The following H2BC18 variants were observed in gnomAD, a reference collection of about 807,000 sequenced individuals.
The protein encoded by H2BC18 is H2B clustered histone 18, also known as histone H2B type 2-F.
Under a neutral mutation model 6.3 loss-of-function variants are expected in H2BC18, and 8 were observed. The ratio of observed to expected loss-of-function variants is 1.28; its 90% CI spans 0.75 to 2.31. The LOEUF (loss-of-function observed/expected upper bound fraction) is 2.31, where lower values mean the gene tolerates loss of function less well. Ranked by LOEUF, H2BC18 falls within the 30% of genes most tolerant of loss-of-function variation. The probability of loss-of-function intolerance (pLI) is 0.00; values close to 1 mark genes in which losing one functional copy is unlikely to be tolerated. For synonymous variants in H2BC18, 104 were observed against 78.1 expected (o/e 1.33, Z -1.75); for missense variants, 106 against 174.5 (o/e 0.61, Z 2.21).
chr1:149,811,888 T>C lies in H2BC18; in HGVS notation c.*55A>G, dbSNP rs1314257009. On this transcript the variant is annotated 3_prime_UTR_variant, in exon 1 of 1. Transcript: ENST00000369167. ...CTGCTTTCTCGATTACTGAAGTGGC[T>C]CTGAAAAGAGCCTTTGGGGTTAGGT... 6 of 1,486,550 alleles carry C rather than the reference T, an allele frequency of 4.0e-6. No homozygotes were observed. In the African/African-American group the frequency reaches 5.5e-5, roughly 14 times the overall value. 92.1% of individuals were successfully genotyped at this position (1,486,550 alleles called of 1,614,324 possible). A position where few individuals can be genotyped will look rare whatever the true frequency, so the allele number is the denominator to read the frequency against.
At chr1:149,804,091 T>G (rs1211299970) in intron 1 of H2BC18, 1 of 152,218 alleles carries the variant, frequency 6.6e-6, no homozygotes, top group Non-Finnish European at 1.5e-5. Context: ...GCTGTAAGTC[T>G]TGTTTTTCTC....
In H2BC18 at chr1:149,812,029, C is replaced by G. The variant is rs1325046235; in HGVS notation, c.295G>C (p.Val99Leu). The change falls in exon 1 of 1, where the codon GTG (valine) becomes CTG (leucine). Residue 99 changes from valine (V) to leucine (L), a missense_variant. This residue lies in a region of H2BC18 where 35 missense variants were observed against 72.3 expected (regional missense o/e 0.48). Transcript: ENST00000369167. The part of the protein sequence containing the change: ...TITSREIQTA[V>L]RLLLPGELAK... ...AGCTCGCCGGGCAGCAGCAGGCGCA[C>G]GGCCGTCTGGATCTCGCGGGATGTG... 28 of 1,614,226 alleles carry G rather than the reference C, an allele frequency of 1.7e-5. No individual in the cohort carries two copies. Among genetic ancestry groups the G allele is most frequent in the Non-Finnish European group, 2.3e-5 (27 of 1,180,030 alleles).
chr1:149,792,516 A>C, intron 1 of H2BC18: 1 of 1,143,008 alleles, frequency 8.7e-7, no homozygotes, highest in Non-Finnish European at 1.1e-6. Flanking sequence ...GGAGTATGAC[A>C]CACACAGCAA....
chr1:149,811,174 A>T (rs1186674925), downstream of H2BC18: 1 of 152,256 alleles, frequency 6.6e-6, no homozygotes, highest in East Asian at 1.9e-4. Flanking sequence ...ATTACAGGCC[A>T]GGTAGCTCTT....
At chr1:149,797,991 AATT>A (rs1366798372) in intron 1 of H2BC18, among the ~76,000 whole-genome samples, 1 of 150,118 alleles carries the variant, frequency 6.7e-6, no homozygotes, top group Non-Finnish European at 1.5e-5. Context: ...AAGAAATGGC[AATT>A]CAAGGAGTTA....
At chr1:149,793,052 G>A (rs1488503901) in intron 1 of H2BC18, 5 of 1,261,110 alleles carry the variant, frequency 4.0e-6, no homozygotes, top group Admixed American at 2.6e-5. Context: ...GCCCCGGCGC[G>A]GCGCCACCTG....
chr1:149,798,467 T>G (rs2091824206), intron 1 of H2BC18, among the ~76,000 whole-genome samples: 1 of 152,118 alleles, frequency 6.6e-6, no homozygotes. Context: ...TATATTAAAC[T>G]TATCACTGTG....
chr1:149,796,768 C>T (rs1208908222), intron 1 of H2BC18, among the ~76,000 whole-genome samples: 1 of 152,182 alleles, frequency 6.6e-6, no homozygotes, highest in Non-Finnish European at 1.5e-5. Flanking sequence ...TGCTTATTTA[C>T]CTTTCATGGG....
intron 1 of H2BC18, chr1:149,791,522 G>A (rs782397671): frequency 3.7e-6 from 6 of 1,610,344 alleles, no homozygotes; most frequent in Non-Finnish European, 5.1e-6. Context: ...ACGTAGCAGC[G>A]GCTCAGTGGG....
rs1369499836 is a variant in H2BC18 at position 149,812,137 on chromosome 1, T to C, written c.187A>G (p.Met63Val). The C allele has an allele frequency of 6.2e-7, 1 of 1,614,266 alleles. No homozygotes were observed. The highest frequency in any genetic ancestry group is 2.2e-5 in the East Asian group (1 of 44,878). ...TGISSKAMGI[M>V]NSFVNDIFER... ...AAGATGTCGTTGACGAAGGAGTTCA[T>C]GATGCCCATGGCCTTGGACGAGATG... The change falls in exon 1 of 1, where the codon ATG (methionine) becomes GTG (valine). Residue 63 changes from methionine (M) to valine (V), a missense_variant. Physicochemically the swap from Met to Val is conservative, Grantham distance 21. This residue lies in a region of H2BC18 where 35 missense variants were observed against 72.3 expected (regional missense o/e 0.48). Coordinates refer to ENST00000369167, the MANE Select transcript of H2BC18 (RefSeq NM_001024599.5).
chr1:149,792,614 A>C lies in H2BC18; in HGVS notation c.378-9354T>G, dbSNP rs1275737360. ...TGTCCCGCGGCGGGCCCCTGGCGCC[A>C]CACTGTGGCCGCATGTGCATATTGC... is the stretch of plus-strand genomic sequence containing the variant. On this transcript the variant is annotated intron_variant, in intron 1 of 1. Transcript: ENST00000545683. 3.5e-5 allele frequency: 43 copies of C among 1,226,966 alleles called. 2 individuals carry two copies. In the African/African-American group the frequency reaches 6.0e-4, roughly 17 times the overall value. The allele number at this position is 1,226,966 out of a possible 1,614,324, so 76.0% of individuals were successfully genotyped here.
intron 1 of H2BC18, chr1:149,794,030 G>T: frequency 1.5e-6 from 1 of 673,178 alleles, no homozygotes. Flanking sequence ...ACAGCTGGCT[G>T]GGAGGGGGCT....
At chr1:149,785,407 C>CTTTTTT (rs1553750700) in intron 1 of H2BC18, among the ~76,000 whole-genome samples, 2 of 74,544 alleles carry the variant, frequency 2.7e-5, no homozygotes, top group Admixed American at 1.5e-4. Context: ...AGAGCTGTTT[C>CTTTTTT]GTTTTTTTTT....
At chr1:149,791,607 A>C in intron 1 of H2BC18, 1 of 1,539,902 alleles carries the variant, frequency 6.5e-7, no homozygotes. Flanking sequence ...AAAGTTCAAC[A>C]ACACCAGAAC....
chr1:149,793,145 A>G, intron 1 of H2BC18: 2 of 1,275,322 alleles, frequency 1.6e-6, no homozygotes, highest in Non-Finnish European at 2.0e-6. Flanking sequence ...GCCTCCGCGG[A>G]GAGGAGGATT....
At position 149,806,646 on chromosome 1, in the gene H2BC18, A is replaced by G. The variant is rs1208400934; in HGVS notation, c.377+5301T>C. Among the ~76,000 whole-genome samples the G allele has an allele frequency of 3.3e-5, 5 of 150,856 alleles. 1 individual carries two copies. Among genetic ancestry groups the G allele is most frequent in the African/African-American group, 1.2e-4 (5 of 41,456 alleles). ...GAATACCAAGAAGTGAGGAAAGAAA[A>G]GGAGGGGAGCTTGTTATCTTACCTA... On this transcript the variant is annotated intron_variant, in intron 1 of 1. Transcript: ENST00000545683.
downstream of H2BC18, chr1:149,811,672 A>G: frequency 3.7e-6 from 2 of 546,936 alleles, no homozygotes; most frequent in Non-Finnish European, 6.5e-6. Flanking sequence ...ATATCCCAGA[A>G]CGAGTCAAAC....
At chr1:149,804,345 T>C (rs1371575831) in intron 1 of H2BC18, among the ~76,000 whole-genome samples, 2 of 152,234 alleles carry the variant, frequency 1.3e-5, no homozygotes, top group Non-Finnish European at 2.9e-5. Context: ...CACTATAAAG[T>C]CTCATTTCCT....
chr1:149,802,615 G>A (rs1553753489), intron 1 of H2BC18, among the ~76,000 whole-genome samples: 1 of 152,154 alleles, frequency 6.6e-6, no homozygotes, highest in African/African-American at 2.4e-5. Context: ...TGATTACAAG[G>A]CAAAGTCCTA....
Sources: gnomAD v4.1 joint callset for allele counts (sites outside exome capture counted in the v4.1 genomes callset) on GRCh38, gnomAD v4.1.1 for gene constraint, gnomAD v4.1.1 regional missense constraint, MANE v1.5 for transcripts, NCBI Gene and HGNC (gene_info 2026-07-23, HGNC 2026-07-21) for gene names.